USP31: variants seen among roughly 807,000 people sequenced by gnomAD.
The protein encoded by USP31 is ubiquitin specific peptidase 31.
Under a neutral mutation model 119.4 loss-of-function variants are expected in USP31, and 44 were observed. That is an observed-to-expected ratio of 0.37 (90% CI 0.29 to 0.47). USP31 has a LOEUF of 0.47. Among genes scored for constraint, USP31 ranks in the 20% least tolerant of loss-of-function variants. USP31 has a pLI of 0.99. For synonymous variants in USP31, 749 were observed against 705.6 expected (o/e 1.06, Z -0.97); for missense variants, 1,643 against 1,730.2 (o/e 0.95, Z 0.89).
In USP31 at chr16:23,061,485, A is replaced by G. The variant is rs778645352; in HGVS notation, c.*6561T>C. 1.3e-4 allele frequency: 20 copies of G among 152,676 alleles called. No individual in the cohort carries two copies. The highest frequency in any genetic ancestry group is 2.5e-4 in the Non-Finnish European group (17 of 68,048). The allele number at this position is 152,676 out of a possible 1,614,324, so 9.5% of individuals were successfully genotyped here. A position where few individuals can be genotyped will look rare whatever the true frequency, so the allele number is the denominator to read the frequency against. ...TCTCTTAATTCCAACTGTATACTAT[A>G]TAATCAACGCTGTTTCAGAAATAAA... On this transcript the variant is annotated 3_prime_UTR_variant, in exon 16 of 16. Coordinates refer to ENST00000219689, the MANE Select transcript of USP31 (RefSeq NM_020718.4).
intron 13 of USP31, among the ~76,000 whole-genome samples, chr16:23,075,201 G>A (rs1900514767): frequency 6.6e-6 from 1 of 152,214 alleles, no homozygotes; most frequent in Non-Finnish European, 1.5e-5. Flanking sequence ...AATGTAAGCA[G>A]CAAATGGAGC....
chr16:23,138,080 T>C (rs1334719799), intron 1 of USP31, among the ~76,000 whole-genome samples: 1 of 152,198 alleles, frequency 6.6e-6, no homozygotes, highest in African/African-American at 2.4e-5. Flanking sequence ...TATGTCACAC[T>C]GCCCTAAGTT....
At chr16:23,085,508 T>C in intron 10 of USP31, 77 bp downstream of exon 10, 1 of 1,302,830 alleles carries the variant, frequency 7.7e-7, no homozygotes, top group Non-Finnish European at 1.1e-6. Context: ...TTCAGCTCAT[T>C]TAACATATCA....
intron 7 of USP31, among the ~76,000 whole-genome samples, 171 bp from the exon 8 acceptor site, chr16:23,088,006 A>T (rs1901185620): frequency 6.6e-6 from 1 of 152,250 alleles, no homozygotes; most frequent in East Asian, 1.9e-4. Flanking sequence ...GGAGATGAAC[A>T]GCTTGGATTT....
At chr16:23,133,701 T>A (rs924391117) in intron 1 of USP31, among the ~76,000 whole-genome samples, 1 of 152,194 alleles carries the variant, frequency 6.6e-6, no homozygotes, top group Non-Finnish European at 1.5e-5. Context: ...TGTGGAAAGT[T>A]GTTGATTTTA....
rs776548214 is a variant in USP31, at chr16:23,072,157, C to A, written c.2376G>T (p.Arg792=). 4.3e-6 allele frequency: 7 copies of A among 1,610,728 alleles called. No homozygotes were observed. Among genetic ancestry groups the A allele is most frequent in the Non-Finnish European group, 5.9e-6 (7 of 1,180,018 alleles). The part of the protein sequence containing the change: ...SSSLCEHWVS[R]LPGSKPASVT... ...CGCTGGCTGGCTTGCTGCCCGGGAG[C>A]CGGCTCACCCAGTGTTCACACAGGG... The change falls in exon 15 of 16, where the codon CGG becomes CGT. Residue 792 remains arginine (R), a synonymous_variant. Transcript: ENST00000219689.
rs1048322944 is a variant in USP31 at position 23,061,411 on chromosome 16, G to C, written c.*6635C>G. 2.6e-5 allele frequency: 4 copies of C among 152,570 alleles called. No individual in the cohort carries two copies. Among genetic ancestry groups the C allele is most frequent in the African/African-American group, 9.7e-5 (4 of 41,432 alleles). 9.5% of individuals were successfully genotyped at this position (152,570 alleles called of 1,614,324 possible). ...GGAGAAAGGAGAAATGTGGCTTGAA[G>C]AGGACATCTTGTAATAAATTTATTG... On this transcript the variant is annotated 3_prime_UTR_variant, in exon 16 of 16. Coordinates refer to ENST00000219689, the MANE Select transcript of USP31 (RefSeq NM_020718.4).
Position 23,068,144 on chromosome 16 carries a change from G to T in USP31, c.3961C>A (p.Pro1321Thr), listed in dbSNP as rs764283970. Reference sequence around the variant, plus strand: ...GACTGCCTGCCACCCGGAGACGAGGGAACTCCAGAGTCTAGTTGGGAAGAC... The same window carrying T: ...GACTGCCTGCCACCCGGAGACGAGGTAACTCCAGAGTCTAGTTGGGAAGAC... ...SKSSQLDSGV[P>T]SSPGGRQSAE... Residue 1321 changes from proline to threonine, a missense_variant, in exon 16 of 16, where the codon CCC becomes ACC. Coordinates refer to ENST00000219689, the MANE Select transcript of USP31 (RefSeq NM_020718.4). The T allele has an allele frequency of 3.0e-5, 49 of 1,614,064 alleles. No individual in the cohort carries two copies. Among genetic ancestry groups the T allele is most frequent in the Non-Finnish European group, 4.0e-5 (47 of 1,180,052 alleles).
chr16:23,134,531 CAGG>C (rs942934897), intron 1 of USP31, among the ~76,000 whole-genome samples: 1 of 152,008 alleles, frequency 6.6e-6, no homozygotes, highest in African/African-American at 2.4e-5. Flanking sequence ...GTGGTGCAGC[CAGG>C]ATTTGAACAC....
In USP31 at chr16:23,069,409, A is replaced by G. The variant is rs150075257; in HGVS notation, c.2696T>C (p.Ile899Thr). ...GACCTTGTCATCTGCTGCCTCCCCA[A>G]TCTTCTCCAAGGTGGAAGCAGAGCT... ...IHSSASTLEK[I>T]GEAADDKVSI... Residue 899 changes from isoleucine to threonine, a missense_variant, in exon 16 of 16, where the codon ATT (isoleucine) becomes ACT (threonine). Physicochemically the swap from Ile to Thr is moderately conservative, Grantham distance 89. Around this residue, in one of 5 missense-constraint regions of USP31, gnomAD observed 699 missense variants for 650.9 expected, o/e 1.07. Coordinates refer to ENST00000219689, the MANE Select transcript of USP31 (RefSeq NM_020718.4). The G allele has an allele frequency of 1.5e-5, 24 of 1,613,058 alleles. No homozygotes were observed. Among genetic ancestry groups the G allele is most frequent in the Middle Eastern group, 1.6e-4 (1 of 6,082 alleles).
At chr16:23,090,847 A>G in intron 6 of USP31, 43 bp from the exon 7 acceptor site, 1 of 1,417,026 alleles carries the variant, frequency 7.1e-7, no homozygotes, top group Non-Finnish European at 9.4e-7. Context: ...CTTCAAAATT[A>G]TTTTTATTCA....
In USP31 at chr16:23,068,470, T is replaced by C. The variant is rs562533781; in HGVS notation, c.3635A>G (p.Lys1212Arg). 1.2e-6 allele frequency: 2 copies of C among 1,613,506 alleles called. No homozygotes were observed. The highest frequency in any genetic ancestry group is 4.5e-5 in the East Asian group (2 of 44,842). Reference sequence around the variant, plus strand: ...CTTGCTGTCCCTCTTCAAACCAGACTTGATGCTTGTGCTGGGGGAGCGCAG... The same window carrying C: ...CTTGCTGTCCCTCTTCAAACCAGACCTGATGCTTGTGCTGGGGGAGCGCAG... ...ASLRSPSTSI[K>R]SGLKRDSKSE... Residue 1212 changes from lysine to arginine, a missense_variant, in exon 16 of 16, where the codon AAG (lysine) becomes AGG (arginine). Lys to Arg is a conservative substitution (Grantham distance 26, BLOSUM62 2). Around this residue, in one of 5 missense-constraint regions of USP31, gnomAD observed 699 missense variants for 650.9 expected, o/e 1.07. Transcript: ENST00000219689.
intron 9 of USP31, 71 bp from the exon 10 acceptor site, chr16:23,085,733 T>C (rs1706155898): frequency 7.9e-7 from 1 of 1,268,608 alleles, no homozygotes; most frequent in African/African-American, 1.5e-5. Context: ...CTTAATGTGA[T>C]TATGTCCTAC....
chr16:23,089,439 A>G (rs1344020281), intron 7 of USP31, among the ~76,000 whole-genome samples: 2 of 152,234 alleles, frequency 1.3e-5, no homozygotes, highest in African/African-American at 4.8e-5. Context: ...ATGAGGACAC[A>G]GACCTTGCCT....
In USP31 at chr16:23,062,275, AAC is replaced by A. The variant is rs560982485; in HGVS notation, c.*5769_*5770del. ...CTAAATTTTATTTGCCTCCACAGTT[AAC>A]ACAGAGTGCCAAATTCTGGGATGTG... On this transcript the variant is annotated 3_prime_UTR_variant, in exon 16 of 16. Transcript: ENST00000219689. The A allele has an allele frequency of 1.0e-4, 16 of 152,654 alleles. No homozygotes were observed. The highest frequency in any genetic ancestry group is 8.5e-4 in the Admixed American group (13 of 15,306). 9.5% of individuals were successfully genotyped at this position (152,654 alleles called of 1,614,324 possible). A position where few individuals can be genotyped will look rare whatever the true frequency, so the allele number is the denominator to read the frequency against.
In USP31 at chr16:23,085,648, C is replaced by G. The variant is rs1001452611; in HGVS notation, c.1637G>C (p.Cys546Ser). Residue 546 changes from cysteine (C) to serine (S), a missense_variant, in exon 10 of 16, where the codon TGT becomes TCT. By Grantham distance (112) the Cys-to-Ser change is moderately radical. Coordinates refer to ENST00000219689, the MANE Select transcript of USP31 (RefSeq NM_020718.4). ...HPIVERALKS[C>S]GPGGTAHVKL... is the part of the protein sequence containing the mutation. The stretch of plus-strand genomic sequence containing the variant: ...CACATGAGCAGTGCCACCTGGTCCA[C>G]AAGATTTTAATGCCCTATAGAACCA... 1 of 1,613,784 alleles carries G rather than the reference C, an allele frequency of 6.2e-7. No individual in the cohort carries two copies. The highest frequency in any genetic ancestry group is 1.3e-5 in the African/African-American group (1 of 74,912).
At chr16:23,069,844 A>C (rs904774750) in intron 15 of USP31, among the ~76,000 whole-genome samples, 3 of 152,210 alleles carry the variant, frequency 2.0e-5, no homozygotes, top group Admixed American at 2.0e-4. Flanking sequence ...ATTCTAACAC[A>C]GCAAACTTCT....
chr16:23,135,683 G>C (rs78493217), intron 1 of USP31, among the ~76,000 whole-genome samples: 3,783 of 152,150 alleles, frequency 0.025, 57 homozygotes, highest in African/African-American at 0.04. Context: ...AGGAATTAAA[G>C]ACATAAATAA....
chr16:23,071,587 C>T (rs1900345969), intron 15 of USP31, among the ~76,000 whole-genome samples: 1 of 152,174 alleles, frequency 6.6e-6, no homozygotes, highest in Non-Finnish European at 1.5e-5. Flanking sequence ...CCACAGCTTC[C>T]TCCCTGGGGA....
Sources: gnomAD v4.1 joint callset for allele counts (sites outside exome capture counted in the v4.1 genomes callset) on GRCh38, gnomAD v4.1.1 for gene constraint, gnomAD v4.1.1 regional missense constraint, MANE v1.5 for transcripts, NCBI Gene and HGNC (gene_info 2026-07-23, HGNC 2026-07-21) for gene names.